Variants in PLCZ1 observed in about 807,000 individuals in gnomAD.
PLCZ1 encodes the protein 1-phosphatidylinositol 4,5-bisphosphate phosphodiesterase zeta-1.
A neutral mutation model predicts 76.8 loss-of-function variants in PLCZ1; 64 were observed. The ratio of observed to expected loss-of-function variants is 0.83; its 90% confidence interval spans 0.68 to 1.03. The LOEUF is 1.03. Ranked by LOEUF, PLCZ1 falls within the 50% of genes least tolerant of loss-of-function variation. PLCZ1 has a pLI of 0.00. For missense variants in PLCZ1, 751 were observed against 713.7 expected (o/e 1.05, Z -0.60); for synonymous variants, 248 against 230.8 (o/e 1.07, Z -0.68).
chr12:18,688,347 G>A, intron 12 of PLCZ1, 129 bp from the exon 13 acceptor site: 1 of 896,272 alleles, frequency 1.1e-6, no homozygotes, highest in Non-Finnish European at 1.6e-6. Flanking sequence ...CATTGAAAGT[G>A]GAATACAATA....
At chr12:18,666,632 C>T in the PLCZ1 span, among the ~76,000 whole-genome samples, 1 of 152,030 alleles carries the variant, frequency 6.6e-6, no homozygotes, top group Admixed American at 6.6e-5. Context: ...GATTTTAATA[C>T]CCAACTTTCA....
chr12:18,721,622 C>G (rs752110158), intron 4 of PLCZ1, among the ~76,000 whole-genome samples: 26 of 151,536 alleles, frequency 1.7e-4, no homozygotes, highest in Non-Finnish European at 3.5e-4. Context: ...AAGTGCTCAT[C>G]TGTAAACTGG....
At chr12:18,692,032 G>A (rs540816840) in intron 12 of PLCZ1, among the ~76,000 whole-genome samples, 5 of 152,236 alleles carry the variant, frequency 3.3e-5, no homozygotes, top group Admixed American at 6.5e-5. Context: ...GTGGTATTAC[G>A]ATGGTGGAAA....
At chr12:18,732,788 A>T (rs1427089719) in intron 3 of PLCZ1, among the ~76,000 whole-genome samples, 1 of 152,200 alleles carries the variant, frequency 6.6e-6, no homozygotes, top group Non-Finnish European at 1.5e-5. Context: ...TGTTGTCACA[A>T]ATAACAAGAT....
Position 18,736,329 on chromosome 12 carries a change from C to T in PLCZ1, c.27G>A (p.Lys9=), listed in dbSNP as rs750834642. MEMRWFLS[K]IQDDFRGGKI... The stretch of plus-strand genomic sequence containing the variant: ...TTCCACCTCTGAAGTCATCCTGAAT[C>T]TTTGACAAAAACCATGTAGAAGCAC... The change falls in exon 3 of 15, where the codon AAG becomes AAA. Residue 9 remains lysine (K), a synonymous_variant. Coordinates refer to ENST00000266505, the MANE Select transcript of PLCZ1 (RefSeq NM_033123.4). The T allele has an allele frequency of 2.9e-5, 46 of 1,611,998 alleles. No homozygotes were observed. The highest frequency in any genetic ancestry group is 3.7e-5 in the Non-Finnish European group (44 of 1,179,192).
the PLCZ1 span, among the ~76,000 whole-genome samples, chr12:18,648,990 T>C: frequency 9.2e-5 from 14 of 152,270 alleles, no homozygotes; most frequent in Middle Eastern, 3.4e-3. Context: ...CTATATCATA[T>C]GAGCATGTAA....
At chr12:18,737,133 C>A (rs921942863) in intron 2 of PLCZ1, among the ~76,000 whole-genome samples, 36 of 152,044 alleles carry the variant, frequency 2.4e-4, no homozygotes, top group African/African-American at 8.0e-4. Flanking sequence ...ATGAGATCTC[C>A]TTAAATTTAA....
At chr12:18,651,522 T>G in the PLCZ1 span, among the ~76,000 whole-genome samples, 2 of 152,164 alleles carry the variant, frequency 1.3e-5, no homozygotes, top group East Asian at 1.9e-4. Context: ...TCACTGACAG[T>G]AGAGACTTAG....
At chr12:18,667,543 G>A in the PLCZ1 span, among the ~76,000 whole-genome samples, 1 of 152,006 alleles carries the variant, frequency 6.6e-6, no homozygotes, top group Non-Finnish European at 1.5e-5. Context: ...ACATATTTAA[G>A]ACTTTTTTTC....
chr12:18,701,931 T>C (rs1300373772), intron 7 of PLCZ1, among the ~76,000 whole-genome samples, 155 bp from the exon 8 acceptor site: 1 of 152,090 alleles, frequency 6.6e-6, no homozygotes, highest in Admixed American at 6.6e-5. Context: ...CACATCTCAG[T>C]AGAGGAATGA....
chr12:18,732,137 A>C (rs541245136), intron 3 of PLCZ1, among the ~76,000 whole-genome samples: 1 of 152,090 alleles, frequency 6.6e-6, no homozygotes, highest in Non-Finnish European at 1.5e-5. Flanking sequence ...ATTCCTTCCA[A>C]AAGTTTCCTT....
intron 3 of PLCZ1, among the ~76,000 whole-genome samples, chr12:18,725,832 A>C (rs1427673377): frequency 1.3e-5 from 2 of 151,980 alleles, no homozygotes; most frequent in Non-Finnish European, 2.9e-5. Flanking sequence ...TTAAATTACC[A>C]ATTTCTACTA....
the PLCZ1 span, among the ~76,000 whole-genome samples, chr12:18,674,226 T>TATTAA: frequency 6.6e-6 from 1 of 152,342 alleles, no homozygotes; most frequent in Middle Eastern, 3.4e-3. Context: ...AAGCCACATA[T>TATTAA]ATTAAATTCA....
intron 13 of PLCZ1, among the ~76,000 whole-genome samples, chr12:18,685,141 G>C (rs1490059153): frequency 6.6e-6 from 1 of 151,994 alleles, no homozygotes; most frequent in Non-Finnish European, 1.5e-5. Context: ...TCCATACTTA[G>C]TTGTTAGACT....
chr12:18,665,042 A>G, the PLCZ1 span, among the ~76,000 whole-genome samples: 11 of 150,536 alleles, frequency 7.3e-5, no homozygotes, highest in African/African-American at 2.7e-4. Context: ...AGCATTAGGA[A>G]ATATACCTAA....
chr12:18,657,943 T>C, the PLCZ1 span, among the ~76,000 whole-genome samples: 1 of 151,888 alleles, frequency 6.6e-6, no homozygotes, highest in Admixed American at 6.6e-5. Flanking sequence ...TACAAAGAAC[T>C]GAAGAGAACC....
downstream of PLCZ1, among the ~76,000 whole-genome samples, chr12:18,678,789 A>C (rs1327878750): frequency 6.6e-6 from 1 of 152,074 alleles, no homozygotes; most frequent in Non-Finnish European, 1.5e-5. Flanking sequence ...ATTATAAAAA[A>C]TCCTTCTATA....
At chr12:18,700,863 T>C (rs1955801022) in intron 9 of PLCZ1, among the ~76,000 whole-genome samples, 1 of 152,186 alleles carries the variant, frequency 6.6e-6, no homozygotes, top group Non-Finnish European at 1.5e-5. Context: ...GTATTATTAA[T>C]ATTGAATCTT....
rs186785691 is a variant in PLCZ1, at chr12:18,703,085, C to T, written c.865-1309G>A. Among the ~76,000 whole-genome samples the T allele has an allele frequency of 2.0e-3, 305 of 152,178 alleles. 1 individual carries two copies. Among genetic ancestry groups the T allele is most frequent in the Non-Finnish European group, 3.9e-3 (264 of 67,998 alleles). On this transcript the variant is annotated intron_variant, in intron 7 of 14. Coordinates refer to ENST00000266505, the MANE Select transcript of PLCZ1 (RefSeq NM_033123.4). Reference sequence around the variant, plus strand: ...AAATAGATTCATATATAATAGGAAGCGGGATTCTCTTCCAAGAAAGCTGAA... The same window carrying T: ...AAATAGATTCATATATAATAGGAAGTGGGATTCTCTTCCAAGAAAGCTGAA...
Sources: gnomAD v4.1 joint callset for allele counts (sites outside exome capture counted in the v4.1 genomes callset) on GRCh38, gnomAD v4.1.1 for gene constraint, MANE v1.5 for transcripts, NCBI Gene and HGNC (gene_info 2026-07-23, HGNC 2026-07-21) for gene names.